Variants in C8A observed in about 807,000 individuals in gnomAD.
C8A encodes the protein complement component C8 alpha chain.
Under a neutral mutation model 65.3 loss-of-function variants are expected in C8A, and 67 were observed. The observed-to-expected ratio is 1.03, with a 90% confidence interval of 0.84 to 1.26. The LOEUF (loss-of-function observed/expected upper bound fraction) is 1.26. Among genes scored for constraint, C8A ranks in the 50% most tolerant of loss-of-function variants. C8A has a pLI of 0.00. For missense variants in C8A, 781 were observed against 723.9 expected (o/e 1.08, Z -0.90); for synonymous variants, 290 against 259.4 (o/e 1.12, Z -1.13).
At chr1:56,913,927 G>A (rs1418894385) in intron 10 of C8A, among the ~76,000 whole-genome samples, 1 of 152,124 alleles carries the variant, frequency 6.6e-6, no homozygotes, top group African/African-American at 2.4e-5. Flanking sequence ...TGATACAGAC[G>A]GCCCCACAGT....
chr1:56,910,929 C>T (rs1352371529), intron 9 of C8A, among the ~76,000 whole-genome samples: 1 of 152,198 alleles, frequency 6.6e-6, no homozygotes, highest in East Asian at 1.9e-4. Flanking sequence ...AAATCACTTC[C>T]CCTTTGGGGG....
chr1:56,906,556 C>G (rs534339091), intron 7 of C8A, 111 bp from the exon 8 acceptor site: 19 of 1,252,544 alleles, frequency 1.5e-5, no homozygotes, highest in Non-Finnish European at 2.1e-5. Flanking sequence ...TCAACCCAGG[C>G]CTTTTGGACT....
rs1470747807 is a variant in C8A at position 56,886,090 on chromosome 1, A to G, written c.1019A>G (p.His340Arg). ...YAKFINDYGTHYITSGSMGGI... is the reference protein window; with the variant it reads ...YAKFINDYGTRYITSGSMGGI... ...AAGTTCATCAATGACTATGGCACCCATTACATCACATCTGGATCCATGGGT... is the reference window on the plus strand; with the variant it reads ...AAGTTCATCAATGACTATGGCACCCGTTACATCACATCTGGATCCATGGGT... The change falls in exon 7 of 11, where the codon CAT (histidine) becomes CGT (arginine). Residue 340 changes from histidine to arginine, a missense_variant. Coordinates refer to ENST00000361249, the MANE Select transcript of C8A (RefSeq NM_000562.3). 5 of 1,614,050 alleles carry G rather than the reference A, an allele frequency of 3.1e-6. No homozygotes were observed. The highest frequency in any genetic ancestry group is 1.1e-5 in the South Asian group (1 of 91,092).
chr1:56,895,041 ATTG>A (rs1644378208), intron 7 of C8A, among the ~76,000 whole-genome samples: 1 of 152,170 alleles, frequency 6.6e-6, no homozygotes, highest in South Asian at 2.1e-4. Context: ...GAGGAATTAT[ATTG>A]TTATTTTCCC....
chr1:56,906,733 T>G lies in C8A; in HGVS notation c.1163T>G (p.Ile388Arg). The G allele has an allele frequency of 6.2e-7, 1 of 1,614,070 alleles. No homozygotes were observed. The change falls in exon 8 of 11, where the codon ATA becomes AGA. Residue 388 changes from isoleucine (I) to arginine (R), a missense_variant. Physicochemically the swap from Ile to Arg is moderately conservative, Grantham distance 97. Transcript: ENST00000361249. ...TTGGGCATTCAATATGAAGACAAAATAAATGTTGGTGGAGGTTTATCAGGA... is the reference window on the plus strand; with the variant it reads ...TTGGGCATTCAATATGAAGACAAAAGAAATGTTGGTGGAGGTTTATCAGGA... ...GSLGIQYEDK[I>R]NVGGGLSGDH...
Position 56,879,449 on chromosome 1 carries a change from A to T in C8A, c.465-1996A>T, listed in dbSNP as rs186395709. On this transcript the variant is annotated intron_variant, in intron 4 of 10. Coordinates refer to ENST00000361249, the MANE Select transcript of C8A (RefSeq NM_000562.3). ...TATATAGGCTTTATGCTTAGAGGTTATATTATACTCTTAGGGATTACCGTT... is the reference window on the plus strand; with the variant it reads ...TATATAGGCTTTATGCTTAGAGGTTTTATTATACTCTTAGGGATTACCGTT... Among the ~76,000 whole-genome samples, 30 of 152,302 alleles carry T rather than the reference A, an allele frequency of 2.0e-4. No homozygotes were observed. The East Asian group carries it at 5.2e-3, about 26-fold the overall frequency.
chr1:56,908,805 T>C (rs947523297), intron 9 of C8A, among the ~76,000 whole-genome samples: 1 of 152,226 alleles, frequency 6.6e-6, no homozygotes, highest in African/African-American at 2.4e-5. Flanking sequence ...AATGCTTGGA[T>C]TTCAGACCTT....
At chr1:56,879,932 A>T (rs1459936451) in intron 4 of C8A, among the ~76,000 whole-genome samples, 1 of 152,136 alleles carries the variant, frequency 6.6e-6, no homozygotes, top group Non-Finnish European at 1.5e-5. Flanking sequence ...GGCCATAAAC[A>T]ATCATGACGA....
In C8A at chr1:56,886,212, A is replaced by T. The variant is rs758159705; in HGVS notation, c.1096+45A>T. 3.1e-6 allele frequency: 5 copies of T among 1,611,442 alleles called. No individual in the cohort carries two copies. The South Asian group carries it at 5.5e-5, about 18-fold the overall frequency. ...TATGTACACAGTAGTCAACACAGAC[A>T]CCAGGTCATGGTTTGAAGTTTTCTA... is the stretch of plus-strand genomic sequence containing the variant. On this transcript the variant is annotated intron_variant, in intron 7 of 10. Transcript: ENST00000361249.
At chr1:56,897,976 G>T (rs185756484) in intron 7 of C8A, among the ~76,000 whole-genome samples, 1 of 152,252 alleles carries the variant, frequency 6.6e-6, no homozygotes, top group East Asian at 1.9e-4. Context: ...AAGCACAAAG[G>T]AGGGAGCCAC....
intron 10 of C8A, among the ~76,000 whole-genome samples, chr1:56,914,984 T>TTAATTTCAGCCCAGGTC (rs1644539775): frequency 8.1e-6 from 1 of 123,464 alleles, no homozygotes; most frequent in African/African-American, 3.9e-5. Context: ...AGCCCAGGTC[T>TTAATTTCAGCCCAGGTC]TTAATTTCTA....
intron 4 of C8A, among the ~76,000 whole-genome samples, chr1:56,878,511 C>T (rs985765511): frequency 6.6e-6 from 1 of 152,114 alleles, no homozygotes; most frequent in Non-Finnish European, 1.5e-5. Flanking sequence ...GTGTGCTTCA[C>T]CCACACTGAA....
intron 10 of C8A, among the ~76,000 whole-genome samples, chr1:56,916,574 G>A (rs936927570): frequency 2.0e-5 from 3 of 152,192 alleles, no homozygotes; most frequent in African/African-American, 7.2e-5. Flanking sequence ...GTCACACTGT[G>A]ATCTGAGGAG....
At chr1:56,855,540 T>C (rs76014000) in intron 1 of C8A, among the ~76,000 whole-genome samples, 2,062 of 152,194 alleles carry the variant, frequency 0.014, 21 homozygotes, top group Non-Finnish European at 0.02. Context: ...GACTTTATCT[T>C]TTGCTATGGG....
At chr1:56,862,774 T>C (rs1644046973) in intron 1 of C8A, among the ~76,000 whole-genome samples, 1 of 152,174 alleles carries the variant, frequency 6.6e-6, no homozygotes, top group Non-Finnish European at 1.5e-5. Context: ...GAGTAGATTT[T>C]CGCCAGCTGA....
chr1:56,910,853 T>G (rs1169510441), intron 9 of C8A, among the ~76,000 whole-genome samples: 4 of 152,232 alleles, frequency 2.6e-5, no homozygotes, highest in Non-Finnish European at 5.9e-5. Flanking sequence ...TACCGTAATG[T>G]GGCTCAGTCC....
At chr1:56,861,216 C>T (rs903766712) in intron 1 of C8A, among the ~76,000 whole-genome samples, 2 of 152,146 alleles carry the variant, frequency 1.3e-5, no homozygotes, top group African/African-American at 4.8e-5. Flanking sequence ...AGTGCTTGCT[C>T]TCAGCTCTCA....
At chr1:56,896,561 G>T (rs771047984) in intron 7 of C8A, among the ~76,000 whole-genome samples, 2 of 152,182 alleles carry the variant, frequency 1.3e-5, no homozygotes, top group Non-Finnish European at 2.9e-5. Flanking sequence ...TCGACTGATT[G>T]CATGAGGCCC....
At chr1:56,900,346 G>A (rs78083553) in intron 7 of C8A, among the ~76,000 whole-genome samples, 2,169 of 152,238 alleles carry the variant, frequency 0.014, 47 homozygotes, top group African/African-American at 0.049. Context: ...ATAAAAGCTA[G>A]TATTTATTGA....
Sources: gnomAD v4.1 joint callset for allele counts (sites outside exome capture counted in the v4.1 genomes callset) on GRCh38, gnomAD v4.1.1 for gene constraint, MANE v1.5 for transcripts, NCBI Gene and HGNC (gene_info 2026-07-23, HGNC 2026-07-21) for gene names.